NRXN2: variants seen among roughly 807,000 people sequenced by gnomAD.
The protein encoded by NRXN2 is neurexin-2-beta.
Under a neutral mutation model 128.8 loss-of-function variants are expected in NRXN2, and 29 were observed. The ratio of observed to expected loss-of-function variants is 0.23; its 90% CI spans 0.17 to 0.31. The LOEUF is 0.31. NRXN2 is among the 10% of genes least tolerant of loss of function. The pLI, the probability that NRXN2 is intolerant of heterozygous loss-of-function variation, is 1.00. For synonymous variants in NRXN2, 1,098 were observed against 1,075.2 expected (o/e 1.02, Z -0.41); for missense variants, 1,881 against 2,452.6 (o/e 0.77, Z 4.92).
At chr11:64,701,081 G>T (rs1206143135) in intron 2 of NRXN2, among the ~76,000 whole-genome samples, 2 of 152,104 alleles carry the variant, frequency 1.3e-5, no homozygotes, top group African/African-American at 4.8e-5. Flanking sequence ...GCCAGGCCCT[G>T]ATCAGTCCCT....
intron 20 of NRXN2, 28 bp downstream of exon 20, chr11:64,626,435 A>T: frequency 6.5e-7 from 1 of 1,528,322 alleles, no homozygotes; most frequent in Non-Finnish European, 9.1e-7. Context: ...AAAGTTAATT[A>T]ATTAATTAAT....
intron 1 of NRXN2, among the ~76,000 whole-genome samples, chr11:64,716,241 T>C (rs1368488763): frequency 3.3e-5 from 5 of 152,174 alleles, no homozygotes; most frequent in Non-Finnish European, 7.4e-5. Context: ...GATTTCGTGC[T>C]GCTGTCCAGT....
Position 64,667,702 on chromosome 11 carries a change from T to TG in NRXN2, c.1360-15dup, listed in dbSNP as rs1308022123. The TG allele has an allele frequency of 3.1e-6, 5 of 1,612,654 alleles. No homozygotes were observed. In the South Asian group the frequency reaches 5.5e-5, roughly 18 times the overall value. Reference sequence around the variant, plus strand: ...CTTATAGACCACCTGCAGGGAGGGGTGGGGTCAGGGATAAAGAATCCGAAA... The same window carrying TG: ...CTTATAGACCACCTGCAGGGAGGGGTGGGGGTCAGGGATAAAGAATCCGAAA... On this transcript the variant is annotated splice_polypyrimidine_tract_variant and intron_variant, in intron 8 of 22. Transcript: ENST00000265459. This position sits in a 1 kb window ranked among gnomAD's most constrained non-coding sequence, Gnocchi z 5.6.
At chr11:64,655,350 G>C (rs1238544873) in intron 11 of NRXN2, among the ~76,000 whole-genome samples, 1 of 152,196 alleles carries the variant, frequency 6.6e-6, no homozygotes, top group Admixed American at 6.5e-5. Context: ...TGAGAGGAAT[G>C]AGGTAGAGAG....
At chr11:64,690,305 A>G (rs2053624889) in intron 5 of NRXN2, 100 bp downstream of exon 5, 2 of 1,071,106 alleles carry the variant, frequency 1.9e-6, no homozygotes, top group Non-Finnish European at 2.8e-6. Context: ...AGAGAGGACA[A>G]GGGGATGTGC....
At chr11:64,611,100 C>A (rs962504715) in intron 22 of NRXN2, among the ~76,000 whole-genome samples, 2 of 152,256 alleles carry the variant, frequency 1.3e-5, no homozygotes, top group African/African-American at 4.8e-5. Flanking sequence ...GTCTCCCTAA[C>A]CTCCAGCAGT....
At chr11:64,652,293 T>C in intron 12 of NRXN2, 139 bp from the exon 13 acceptor site, 4 of 1,117,646 alleles carry the variant, frequency 3.6e-6, no homozygotes, top group Non-Finnish European at 5.2e-6. Flanking sequence ...TGGCTCATAT[T>C]TGGCCACGCA....
chr11:64,719,491 G>A (rs1323390994), intron 1 of NRXN2, among the ~76,000 whole-genome samples: 1 of 152,172 alleles, frequency 6.6e-6, no homozygotes, highest in Non-Finnish European at 1.5e-5. Flanking sequence ...CATGTCTGCA[G>A]GTCGCCAAGC....
At chr11:64,694,078 C>T (rs1313647937) in intron 3 of NRXN2, among the ~76,000 whole-genome samples, 2 of 152,174 alleles carry the variant, frequency 1.3e-5, no homozygotes, top group Non-Finnish European at 2.9e-5. Flanking sequence ...CCCCAACAGG[C>T]ACCAGCCAAG....
In NRXN2 at chr11:64,660,693, C is replaced by G. The variant is rs1224518295; in HGVS notation, c.2185+60G>C. ...ACAGGGATGGAAAGTAGGAGTCACC[C>G]TGAGAAGGAGGAGCACAGGGATAGG... is the stretch of plus-strand genomic sequence containing the variant. On this transcript the variant is annotated intron_variant, in intron 10 of 22. Coordinates refer to ENST00000265459, the MANE Select transcript of NRXN2 (RefSeq NM_015080.4). The surrounding 1 kb of genome is among the most constrained non-coding windows in gnomAD (Gnocchi z 5.2). 16 of 1,603,284 alleles carry G rather than the reference C, an allele frequency of 1.0e-5. No homozygotes were observed. The highest frequency in any genetic ancestry group is 1.2e-5 in the Non-Finnish European group (14 of 1,179,604).
intron 22 of NRXN2, among the ~76,000 whole-genome samples, chr11:64,614,088 C>T (rs897754300): frequency 7.9e-5 from 12 of 151,990 alleles, no homozygotes; most frequent in African/African-American, 2.7e-4. Flanking sequence ...TACAGAGAGC[C>T]CAGAAATCTG....
intron 20 of NRXN2, among the ~76,000 whole-genome samples, chr11:64,624,664 T>G (rs1327533481): frequency 6.6e-6 from 1 of 152,242 alleles, no homozygotes; most frequent in East Asian, 1.9e-4. Context: ...TCCAAGGGCT[T>G]CTCAGAGCCT....
intron 19 of NRXN2, among the ~76,000 whole-genome samples, chr11:64,628,300 TC>T (rs1468916423): frequency 6.6e-6 from 1 of 152,088 alleles, no homozygotes; most frequent in East Asian, 1.9e-4. Flanking sequence ...CAGTGGGAGA[TC>T]CAGGATTAAA....
intron 18 of NRXN2, among the ~76,000 whole-genome samples, chr11:64,634,288 T>G (rs1021233244): frequency 4.0e-5 from 6 of 151,804 alleles, no homozygotes; most frequent in African/African-American, 1.5e-4. Flanking sequence ...GGGCCAGAAA[T>G]GTACAGATGA....
chr11:64,686,682 C>T (rs1231723871), intron 5 of NRXN2, among the ~76,000 whole-genome samples: 3 of 152,214 alleles, frequency 2.0e-5, no homozygotes, highest in East Asian at 3.9e-4. Context: ...CCAAGGACGG[C>T]GCAGACAGGC....
intron 6 of NRXN2, among the ~76,000 whole-genome samples, chr11:64,684,823 C>T (rs1170304672): frequency 1.3e-5 from 2 of 152,188 alleles, no homozygotes; most frequent in Non-Finnish European, 2.9e-5. Flanking sequence ...AGGACCACTT[C>T]TAAGAGGACC....
At chr11:64,698,091 C>T (rs1177936225) in intron 2 of NRXN2, among the ~76,000 whole-genome samples, 2 of 152,212 alleles carry the variant, frequency 1.3e-5, no homozygotes, top group African/African-American at 4.8e-5. Context: ...GAAGTAACCA[C>T]TCAAGGTCAC....
Position 64,648,998 on chromosome 11 carries a change from C to G in NRXN2, c.3110-91G>C, listed in dbSNP as rs1301165002. 3.6e-6 allele frequency: 5 copies of G among 1,370,746 alleles called. No individual in the cohort carries two copies. The highest frequency in any genetic ancestry group is 2.9e-5 in the African/African-American group (2 of 70,138). 84.9% of individuals were successfully genotyped at this position (1,370,746 alleles called of 1,614,324 possible). A position where few individuals can be genotyped will look rare whatever the true frequency, so the allele number is the denominator to read the frequency against. On this transcript the variant is annotated intron_variant, in intron 15 of 22. Coordinates refer to ENST00000265459, the MANE Select transcript of NRXN2 (RefSeq NM_015080.4). The surrounding 1 kb of genome is among the most constrained non-coding windows in gnomAD (Gnocchi z 4.1). ...GGCTGTCAGGTCCTCCCAGCCTTCTCAGGTTCTCTGCGTTCCATCCCAGAT... is the reference window on the plus strand; with the variant it reads ...GGCTGTCAGGTCCTCCCAGCCTTCTGAGGTTCTCTGCGTTCCATCCCAGAT...
chr11:64,643,416 AGGGATAGGAGAGGAG>A (rs1202655733), intron 17 of NRXN2: 4 of 198,110 alleles, frequency 2.0e-5, no homozygotes, highest in African/African-American at 1.1e-4. Context: ...GGGGGAATGA[AGGGATAGGAGAGGAG>A]GGGATAGGAG....
Sources: allele counts gnomAD v4.1 joint callset (sites outside exome capture counted in the v4.1 genomes callset), GRCh38; gene constraint gnomAD v4.1.1; non-coding constraint Gnocchi (gnomAD v3.1); transcripts MANE v1.5; gene names NCBI Gene and HGNC (gene_info 2026-07-23, HGNC 2026-07-21).